Variants in SCLT1 observed in about 807,000 individuals in gnomAD.
SCLT1 encodes the protein sodium channel and clathrin linker 1, also known as sodium channel-associated protein 1.
Under a neutral mutation model 112.8 loss-of-function variants are expected in SCLT1, and 78 were observed. That is an observed-to-expected ratio of 0.69 (90% CI 0.58 to 0.83). The LOEUF is 0.83. Among genes scored for constraint, SCLT1 ranks in the 40% least tolerant of loss-of-function variants. The pLI is 0.00. For missense variants in SCLT1, 747 were observed against 770.4 expected, an observed-to-expected ratio of 0.97 and a Z score of 0.36; for synonymous variants, 257 against 254.7, an observed-to-expected ratio of 1.01 and a Z score of -0.09.
At chr4:129,055,687 A>T (rs1749304083) in intron 2 of SCLT1, among the ~76,000 whole-genome samples, 3 of 152,112 alleles carry the variant, frequency 2.0e-5, no homozygotes. Flanking sequence ...ATTTCAAGCC[A>T]GTGGTTCTTA....
Position 129,093,428 on chromosome 4 carries a change from A to T in SCLT1, c.-325T>A. ...TGGGTCTCGTCGGGCCACCTAGGAGAGTGCCGCGGGAGCTTGACGGCAGCC... is the reference window on the plus strand; with the variant it reads ...TGGGTCTCGTCGGGCCACCTAGGAGTGTGCCGCGGGAGCTTGACGGCAGCC... On this transcript the variant is annotated 5_prime_UTR_variant, in exon 1 of 21. Transcript: ENST00000281142. The T allele has an allele frequency of 3.1e-6, 1 of 326,174 alleles. No individual in the cohort carries two copies. Among genetic ancestry groups the T allele is most frequent in the Non-Finnish European group, 5.7e-6 (1 of 176,680 alleles). The allele number at this position is 326,174 out of a possible 1,614,324, so 20.2% of individuals were successfully genotyped here. A position where few individuals can be genotyped will look rare whatever the true frequency, so the allele number is the denominator to read the frequency against.
chr4:129,084,877 C>T (rs959775436), intron 1 of SCLT1, among the ~76,000 whole-genome samples: 99 of 152,148 alleles, frequency 6.5e-4, no homozygotes, highest in African/African-American at 2.3e-3. Context: ...TAACTCAAGA[C>T]GAATTAAAGA....
intron 2 of SCLT1, among the ~76,000 whole-genome samples, chr4:129,060,317 G>A (rs1010264263): frequency 6.6e-6 from 1 of 151,872 alleles, no homozygotes; most frequent in Non-Finnish European, 1.5e-5. Context: ...TATTCTTCTG[G>A]AAATTCATTG....
chr4:128,945,282 C>T (rs2125992101), intron 16 of SCLT1, among the ~76,000 whole-genome samples: 1 of 152,204 alleles, frequency 6.6e-6, no homozygotes, highest in East Asian at 1.9e-4. Context: ...TGGGAAAAGC[C>T]TTCATGTGTG....
intron 5 of SCLT1, among the ~76,000 whole-genome samples, chr4:129,007,164 TTGGTCAATTTCAG>T (rs1744103250): frequency 6.6e-6 from 1 of 152,148 alleles, no homozygotes. Flanking sequence ...TTTTTTTGAG[TTGGTCAATTTCAG>T]AAAACTATCA....
chr4:128,881,805 C>T (rs1383792928), downstream of SCLT1, among the ~76,000 whole-genome samples: 2 of 152,098 alleles, frequency 1.3e-5, no homozygotes, highest in Non-Finnish European at 2.9e-5. Context: ...AAATTATTAA[C>T]AAACTTTTCT....
At chr4:128,874,052 G>C (rs1732394277) in intron 5 of SCLT1, 1 of 152,612 alleles carries the variant, frequency 6.6e-6, no homozygotes, top group South Asian at 2.1e-4. Flanking sequence ...GACTATTTTT[G>C]AGTTATGGGG....
intron 5 of SCLT1, among the ~76,000 whole-genome samples, chr4:129,013,763 A>G (rs1281883608): frequency 6.6e-6 from 1 of 152,178 alleles, no homozygotes; most frequent in Non-Finnish European, 1.5e-5. Context: ...TTGACCTTGT[A>G]AAATCTGATG....
At chr4:128,892,096 C>A (rs1368690377) in intron 18 of SCLT1, among the ~76,000 whole-genome samples, 1 of 152,172 alleles carries the variant, frequency 6.6e-6, no homozygotes, top group Admixed American at 6.5e-5. Context: ...CTGTGTTTTA[C>A]TCATTCATAT....
chr4:128,951,159 A>G (rs1039574570), intron 14 of SCLT1, among the ~76,000 whole-genome samples: 3 of 152,144 alleles, frequency 2.0e-5, no homozygotes, highest in African/African-American at 7.2e-5. Context: ...TAGTCTAGAT[A>G]GTAAAATTGT....
intron 1 of SCLT1, 66 bp downstream of exon 1, chr4:129,093,004 A>G (rs1752990079): frequency 3.4e-6 from 4 of 1,190,248 alleles, no homozygotes; most frequent in Non-Finnish European, 5.0e-6. Context: ...TTCAAAAAAG[A>G]TTTGTCGGTC....
intron 20 of SCLT1, among the ~76,000 whole-genome samples, chr4:128,888,277 C>G (rs1310597108): frequency 6.6e-6 from 1 of 151,470 alleles, no homozygotes; most frequent in African/African-American, 2.4e-5. Context: ...AGTGCAGTAG[C>G]ACAAACGTGG....
intron 11 of SCLT1, among the ~76,000 whole-genome samples, chr4:128,960,121 A>G (rs2126014649): frequency 6.6e-6 from 1 of 152,310 alleles, no homozygotes; most frequent in South Asian, 2.1e-4. Context: ...GATATAAAGC[A>G]AACCCTTAAG....
At position 129,038,133 on chromosome 4, in the gene SCLT1, CA is replaced by C. The variant is rs768580915; in HGVS notation, c.290+907del. 18 of 139,002 alleles carry C rather than the reference CA, an allele frequency of 1.3e-4. No individual in the cohort carries two copies. Among genetic ancestry groups the C allele is most frequent in the Middle Eastern group, 1.1e-3 (2 of 1,820 alleles). 8.6% of individuals were successfully genotyped at this position (139,002 alleles called of 1,614,324 possible). On this transcript the variant is annotated intron_variant, in intron 5 of 20. Coordinates refer to ENST00000281142, the MANE Select transcript of SCLT1 (RefSeq NM_144643.4). ...TGGGAGACAGAGCAAGACTCTGTCT[CA>C]AAAAAAAAAGTCAACAATATTAGTA...
At chr4:129,062,755 T>C (rs866618665) in intron 2 of SCLT1, among the ~76,000 whole-genome samples, 3 of 152,186 alleles carry the variant, frequency 2.0e-5, no homozygotes, top group South Asian at 2.1e-4. Flanking sequence ...GAGAAATCCA[T>C]TGATTGCCTA....
At chr4:129,033,639 C>A (rs954790119) in intron 5 of SCLT1, among the ~76,000 whole-genome samples, 2 of 151,720 alleles carry the variant, frequency 1.3e-5, no homozygotes, top group Non-Finnish European at 2.9e-5. Flanking sequence ...AGGAATGCCT[C>A]CTTGATAAGA....
intron 18 of SCLT1, 112 bp downstream of exon 18, chr4:128,936,543 A>T (rs1162021935): frequency 5.7e-6 from 3 of 526,118 alleles, no homozygotes; most frequent in East Asian, 6.5e-5. Flanking sequence ...CTGAAGAAAA[A>T]GGTAAGGTCC....
chr4:129,082,652 G>A (rs1752043442), intron 1 of SCLT1, among the ~76,000 whole-genome samples: 1 of 152,110 alleles, frequency 6.6e-6, no homozygotes, highest in Non-Finnish European at 1.5e-5. Context: ...GTCTCTGCTG[G>A]CTTGCTCTTC....
chr4:129,086,323 A>G lies in SCLT1; in HGVS notation c.35-3950T>C, dbSNP rs901484934. On this transcript the variant is annotated intron_variant, in intron 1 of 20. Coordinates refer to ENST00000281142, the MANE Select transcript of SCLT1 (RefSeq NM_144643.4). ...TGCTGGTGTATGTATGTATATATAT[A>G]TATATATATATATACACACACACAT... is the stretch of plus-strand genomic sequence containing the variant. Among the ~76,000 whole-genome samples, 686 of 149,694 alleles carry G rather than the reference A, an allele frequency of 4.6e-3. 4 individuals carry two copies. Among genetic ancestry groups the G allele is most frequent in the African/African-American group, 0.014 (578 of 41,160 alleles).
Sources: gnomAD v4.1 joint callset for allele counts (sites outside exome capture counted in the v4.1 genomes callset) on GRCh38, gnomAD v4.1.1 for gene constraint, MANE v1.5 for transcripts, NCBI Gene and HGNC (gene_info 2026-07-23, HGNC 2026-07-21) for gene names.